Variants in RIMS1 observed in about 807,000 individuals in gnomAD.
RIMS1 encodes regulating synaptic membrane exocytosis 1, also known as regulating synaptic membrane exocytosis protein 1.
RIMS1 carries 83 observed loss-of-function variants against 214.1 expected under a neutral mutation model. The ratio of observed to expected loss-of-function variants is 0.39; its 90% CI spans 0.32 to 0.47. RIMS1 has a LOEUF of 0.47. RIMS1 is among the 20% of genes least tolerant of loss of function. The pLI is 0.99. For missense variants in RIMS1, 2,050 were observed against 2,161.8 expected (o/e 0.95, Z 1.03); for synonymous variants, 793 against 786.8 (o/e 1.01, Z -0.13).
chr6:72,339,986 T>G lies in RIMS1; in HGVS notation c.4366+6151T>G, dbSNP rs968376968. On this transcript the variant is annotated intron_variant, in intron 29 of 33. Transcript: ENST00000521978. Reference sequence around the variant, plus strand: ...TTTAATGATCACCATTCTAACTGGTTTGAGATGGTATCTGATTGTGGTTTT... The same window carrying G: ...TTTAATGATCACCATTCTAACTGGTGTGAGATGGTATCTGATTGTGGTTTT... Among the ~76,000 whole-genome samples the G allele has an allele frequency of 2.2e-3, 339 of 151,950 alleles. 1 individual carries two copies. Among genetic ancestry groups the G allele is most frequent in the Non-Finnish European group, 3.2e-3 (218 of 67,946 alleles).
At chr6:72,376,139 T>C (rs1324355351) in intron 29 of RIMS1, among the ~76,000 whole-genome samples, 1 of 152,204 alleles carries the variant, frequency 6.6e-6, no homozygotes, top group Non-Finnish European at 1.5e-5. Flanking sequence ...TAAATAATGC[T>C]TTCACATTCT....
chr6:72,010,181 A>T (rs1331663554), intron 2 of RIMS1, among the ~76,000 whole-genome samples: 1 of 152,238 alleles, frequency 6.6e-6, no homozygotes, highest in Non-Finnish European at 1.5e-5. Context: ...CAACATATGC[A>T]AATCAATAAA....
At chr6:72,360,142 C>T (rs2097771903) in intron 29 of RIMS1, among the ~76,000 whole-genome samples, 2 of 152,130 alleles carry the variant, frequency 1.3e-5, no homozygotes, top group Admixed American at 1.3e-4. Flanking sequence ...CAAGCAGAGA[C>T]TAGTTTCTGC....
chr6:72,103,383 AT>A, intron 4 of RIMS1, among the ~76,000 whole-genome samples: 1 of 152,016 alleles, frequency 6.6e-6, no homozygotes, highest in Non-Finnish European at 1.5e-5. Flanking sequence ...ATTATTGCAT[AT>A]TGCATATTAT....
intron 6 of RIMS1, among the ~76,000 whole-genome samples, chr6:72,187,103 G>A (rs561021274): frequency 6.6e-6 from 1 of 152,234 alleles, no homozygotes; most frequent in East Asian, 1.9e-4. Flanking sequence ...TCCAGCCTGG[G>A]CGATAGAGCG....
chr6:72,111,949 A>T (rs958236079), intron 4 of RIMS1, among the ~76,000 whole-genome samples: 15 of 152,254 alleles, frequency 9.9e-5, no homozygotes, highest in African/African-American at 2.6e-4. Context: ...GTCCTAGTAA[A>T]CAGTGAGGAG....
chr6:72,221,323 A>AT (rs1264837490), intron 6 of RIMS1, among the ~76,000 whole-genome samples: 52 of 133,642 alleles, frequency 3.9e-4, no homozygotes, highest in East Asian at 6.2e-4. Context: ...TGTGTGTGTG[A>AT]TTTTTTTTTT....
chr6:72,383,928 T>C (rs1351368080), intron 29 of RIMS1, among the ~76,000 whole-genome samples: 3 of 152,226 alleles, frequency 2.0e-5, no homozygotes, highest in Non-Finnish European at 2.9e-5. Flanking sequence ...ACTTACTTGA[T>C]ACTTTGTTTT....
intron 1 of RIMS1, among the ~76,000 whole-genome samples, chr6:71,955,832 G>C (rs1364404521): frequency 6.6e-6 from 1 of 152,018 alleles, no homozygotes; most frequent in Non-Finnish European, 1.5e-5. Context: ...ACTACTTAGT[G>C]TCAAAACTAA....
At chr6:72,072,461 CT>C (rs1830782576) in intron 2 of RIMS1, among the ~76,000 whole-genome samples, 1 of 152,066 alleles carries the variant, frequency 6.6e-6, no homozygotes, top group Admixed American at 6.5e-5. Context: ...CTGAAAGGAG[CT>C]TTGAAGATTG....
intron 1 of RIMS1, among the ~76,000 whole-genome samples, chr6:71,920,674 A>C (rs971098971): frequency 2.6e-5 from 4 of 152,320 alleles, no homozygotes; most frequent in South Asian, 2.1e-4. Context: ...ACTATCAATA[A>C]ATTTTCCTAT....
chr6:72,109,214 C>T (rs1299303165), intron 4 of RIMS1, among the ~76,000 whole-genome samples: 1 of 151,958 alleles, frequency 6.6e-6, no homozygotes, highest in East Asian at 1.9e-4. Flanking sequence ...GGGTATATAC[C>T]CAGTAATGGG....
In RIMS1 at chr6:72,027,687, TC is replaced by T. The variant is rs552881786; in HGVS notation, c.245+58625del. 4.2e-3 allele frequency among the ~76,000 whole-genome samples: 637 copies of T among 152,220 alleles called. 7 individuals carry two copies. The highest frequency in any genetic ancestry group is 0.014 in the African/African-American group (599 of 41,544). ...GTCTCAGCCTCTTTCATAGATAGCT[TC>T]TTACTGTCATAAAGTTATCACCTGA... On this transcript the variant is annotated intron_variant, in intron 2 of 33. Transcript: ENST00000521978.
intron 33 of RIMS1, among the ~76,000 whole-genome samples, chr6:72,399,835 T>G (rs1035698278): frequency 6.6e-6 from 1 of 151,914 alleles, no homozygotes; most frequent in Admixed American, 6.6e-5. Context: ...AACCTGGGAG[T>G]ATGTGAAATG....
rs548577798 is a variant in RIMS1 at position 72,313,818 on chromosome 6, A to G, written c.4130+146A>G. On this transcript the variant is annotated intron_variant, in intron 28 of 33. Coordinates refer to ENST00000521978, the MANE Select transcript of RIMS1 (RefSeq NM_014989.7). ...ACTACTATGTAGTATTGCCAACAGA[A>G]TGTTTAGTATTGACTACTATCAGAT... 3.5e-5 allele frequency: 28 copies of G among 793,888 alleles called. No homozygotes were observed. The East Asian group carries it at 4.3e-4, about 12-fold the overall frequency. 49.2% of individuals were successfully genotyped at this position (793,888 alleles called of 1,614,324 possible).
intron 22 of RIMS1, among the ~76,000 whole-genome samples, chr6:72,271,423 TATCTC>T (rs2083325051): frequency 1.3e-5 from 2 of 151,388 alleles, no homozygotes; most frequent in South Asian, 2.1e-4. Context: ...TATAATCAGT[TATCTC>T]ATTTGTTTTG....
In RIMS1 at chr6:72,182,073, G is replaced by A. The variant is rs565195946; in HGVS notation, c.813-211G>A. ...TGTAGTACAAGCATGACACTCTTAT[G>A]AAAACTATATTTGGTAATAATTAAT... is the stretch of plus-strand genomic sequence containing the variant. On this transcript the variant is annotated intron_variant, in intron 5 of 33. Coordinates refer to ENST00000521978, the MANE Select transcript of RIMS1 (RefSeq NM_014989.7). Among the ~76,000 whole-genome samples, 13 of 152,330 alleles carry A rather than the reference G, an allele frequency of 8.5e-5. No individual in the cohort carries two copies. The East Asian group carries it at 2.3e-3, about 27-fold the overall frequency.
intron 16 of RIMS1, among the ~76,000 whole-genome samples, chr6:72,256,268 T>G (rs183120319): frequency 1.3e-5 from 2 of 152,232 alleles, no homozygotes; most frequent in Non-Finnish European, 2.9e-5. Context: ...TATGTTATAT[T>G]CAAAATGACT....
At chr6:72,020,660 G>T (rs1814350974) in intron 2 of RIMS1, among the ~76,000 whole-genome samples, 2 of 152,186 alleles carry the variant, frequency 1.3e-5, no homozygotes, top group African/African-American at 4.8e-5. Context: ...AGTCAGAAAT[G>T]TTGGACTATT....
Sources: allele counts gnomAD v4.1 joint callset (sites outside exome capture counted in the v4.1 genomes callset), GRCh38; gene constraint gnomAD v4.1.1; transcripts MANE v1.5; gene names NCBI Gene and HGNC (gene_info 2026-07-23, HGNC 2026-07-21).